MALT1: variants seen among roughly 807,000 people sequenced by gnomAD.
MALT1 encodes the protein MALT1 paracaspase.
In MALT1, 36 loss-of-function variants were observed where a neutral mutation model predicts 85.5. That is an observed-to-expected ratio of 0.42 (90% CI 0.32 to 0.56). The LOEUF (loss-of-function observed/expected upper bound fraction) is 0.56. MALT1 is among the 20% of genes least tolerant of loss of function. The probability of loss-of-function intolerance (pLI) is 0.10; values close to 1 mark genes in which losing one functional copy is unlikely to be tolerated. For missense variants in MALT1, 716 were observed against 981.6 expected (o/e 0.73, Z 3.62); for synonymous variants, 359 against 361.3 (o/e 0.99, Z 0.07).
chr18:58,679,628 A>G (rs763244822), intron 1 of MALT1, among the ~76,000 whole-genome samples: 1 of 152,250 alleles, frequency 6.6e-6, no homozygotes, highest in South Asian at 2.1e-4. Context: ...ATCTCAGCTC[A>G]CTGCAATCTC....
chr18:58,746,511 GTATCAGCTAAA>G (rs2055369192), intron 16 of MALT1, among the ~76,000 whole-genome samples: 1 of 152,108 alleles, frequency 6.6e-6, no homozygotes, highest in African/African-American at 2.4e-5. Flanking sequence ...ACCATAGAAT[GTATCAGCTAAA>G]ACTCAGGGAA....
chr18:58,745,541 A>G (rs1307356161), intron 15 of MALT1, 125 bp from the exon 16 acceptor site: 1 of 747,862 alleles, frequency 1.3e-6, no homozygotes, highest in Non-Finnish European at 2.1e-6. Flanking sequence ...TTTTGGGATT[A>G]CCAAAATTCA....
At chr18:58,711,141 A>G (rs531613529) in intron 7 of MALT1, among the ~76,000 whole-genome samples, 188 bp downstream of exon 7, 1 of 152,370 alleles carries the variant, frequency 6.6e-6, no homozygotes, top group African/African-American at 2.4e-5. Flanking sequence ...TTAAATTGAC[A>G]CAGTATTACA....
chr18:58,719,234 A>G (rs1207849000), intron 9 of MALT1, among the ~76,000 whole-genome samples: 1 of 152,150 alleles, frequency 6.6e-6, no homozygotes, highest in Non-Finnish European at 1.5e-5. Context: ...TGGGACTGCC[A>G]CATTCAAGAT....
At chr18:58,739,355 G>C (rs946422969) in intron 13 of MALT1, among the ~76,000 whole-genome samples, 1 of 152,134 alleles carries the variant, frequency 6.6e-6, no homozygotes, top group African/African-American at 2.4e-5. Flanking sequence ...ATCAGTATCA[G>C]TGGCATACAG....
At position 58,744,328 on chromosome 18, in the gene MALT1, T is replaced by G; in HGVS notation, c.1754-10T>G. ...AACCTACCAAAGTTGTTCTTATTGT[T>G]CTTTTTCAGAACTTCCAGAAAGTAT... On this transcript the variant is annotated splice_polypyrimidine_tract_variant and intron_variant, in intron 14 of 16. Coordinates refer to ENST00000649217, the MANE Select transcript of MALT1 (RefSeq NM_006785.4). 6.3e-7 allele frequency: 1 copy of G among 1,585,164 alleles called. No homozygotes were observed. Among genetic ancestry groups the G allele is most frequent in the Non-Finnish European group, 8.6e-7 (1 of 1,165,486 alleles).
rs1491335206 is a variant in MALT1 at position 58,748,392 on chromosome 18, A to AT, written c.*550_*551insT. On this transcript the variant is annotated 3_prime_UTR_variant, in exon 17 of 17. Transcript: ENST00000649217. ...GAGTGAAATATATTTATATATATAT[A>AT]AATATATACAGATACATATCTGTGT... is the stretch of plus-strand genomic sequence containing the variant. 4.9e-3 allele frequency: 870 copies of AT among 176,940 alleles called. 5 individuals carry two copies. Among genetic ancestry groups the AT allele is most frequent in the African/African-American group, 0.017 (722 of 42,452 alleles). 11.0% of individuals were successfully genotyped at this position (176,940 alleles called of 1,614,324 possible).
At position 58,745,792 on chromosome 18, in the gene MALT1, G is replaced by GT; in HGVS notation, c.2037+3dup. ...ACTCAGTTCACTGCAAAAATTAAAG[G>GT]TTACTACCTTTTCTGTTTATAGCTA... On this transcript the variant is annotated splice_donor_variant, in intron 16 of 16. Transcript: ENST00000649217. LOFTEE classifies it high-confidence loss of function. 1 of 1,607,666 alleles carries GT rather than the reference G, an allele frequency of 6.2e-7. No homozygotes were observed. Among genetic ancestry groups the GT allele is most frequent in the African/African-American group, 1.3e-5 (1 of 74,570 alleles).
At chr18:58,742,389 T>C (rs1250265319) in intron 14 of MALT1, among the ~76,000 whole-genome samples, 4 of 152,144 alleles carry the variant, frequency 2.6e-5, no homozygotes, top group South Asian at 4.1e-4. Context: ...GAACATGTTA[T>C]CTATAACATG....
intron 9 of MALT1, among the ~76,000 whole-genome samples, chr18:58,716,872 A>G (rs985285066): frequency 6.6e-6 from 1 of 152,202 alleles, no homozygotes; most frequent in Non-Finnish European, 1.5e-5. Flanking sequence ...TTATAGAGCA[A>G]GTTCCTAGAA....
chr18:58,690,799 T>C, intron 2 of MALT1: 1 of 219,976 alleles, frequency 4.5e-6, no homozygotes. Context: ...TAAAATGCCT[T>C]CCTGAGAAAG....
At chr18:58,736,987 C>G (rs2144470948) in intron 13 of MALT1, among the ~76,000 whole-genome samples, 1 of 152,332 alleles carries the variant, frequency 6.6e-6, no homozygotes, top group South Asian at 2.1e-4. Context: ...CACAAGTCAT[C>G]CAATTTTGAA....
chr18:58,691,415 C>T (rs929005702), intron 2 of MALT1: 6 of 502,236 alleles, frequency 1.2e-5, no homozygotes, highest in East Asian at 5.2e-5. Context: ...CGGAGCAGCC[C>T]GTGGTTGTGC....
At chr18:58,707,447 C>CT (rs1057117187) in intron 4 of MALT1, among the ~76,000 whole-genome samples, 3 of 149,824 alleles carry the variant, frequency 2.0e-5, no homozygotes, top group Admixed American at 6.7e-5. Flanking sequence ...TAATTATACT[C>CT]TAAGTTTTGG....
At chr18:58,684,439 C>CTTTTTT (rs548214354) in intron 2 of MALT1, among the ~76,000 whole-genome samples, 4 of 73,542 alleles carry the variant, frequency 5.4e-5, no homozygotes, top group Non-Finnish European at 8.1e-5. Context: ...AAGATTTACT[C>CTTTTTT]TTTTTTTTTT....
chr18:58,705,685 T>C (rs1332441392), intron 4 of MALT1, among the ~76,000 whole-genome samples: 1 of 151,508 alleles, frequency 6.6e-6, no homozygotes, highest in Non-Finnish European at 1.5e-5. Context: ...TAGTATTCCA[T>C]GGTGTATATG....
intron 14 of MALT1, among the ~76,000 whole-genome samples, chr18:58,743,368 C>A (rs1404952664): frequency 2.6e-5 from 4 of 152,076 alleles, no homozygotes; most frequent in Non-Finnish European, 5.9e-5. Flanking sequence ...AAGAGCAAAA[C>A]TCAGTCTCAA....
chr18:58,732,255 G>GT (rs2055160806), intron 10 of MALT1, among the ~76,000 whole-genome samples: 1 of 152,088 alleles, frequency 6.6e-6, no homozygotes, highest in Non-Finnish European at 1.5e-5. Flanking sequence ...CTTCAAAAGT[G>GT]TTTTGTCCAG....
rs879571590 is a variant in MALT1, at chr18:58,748,400, A to G, written c.*558A>G. On this transcript the variant is annotated 3_prime_UTR_variant, in exon 17 of 17. Coordinates refer to ENST00000649217, the MANE Select transcript of MALT1 (RefSeq NM_006785.4). Reference sequence around the variant, plus strand: ...TATATTTATATATATATAAATATATACAGATACATATCTGTGTATTATCTC... The same window carrying G: ...TATATTTATATATATATAAATATATGCAGATACATATCTGTGTATTATCTC... The G allele has an allele frequency of 5.6e-6, 1 of 178,868 alleles. No individual in the cohort carries two copies. The highest frequency in any genetic ancestry group is 1.2e-5 in the Non-Finnish European group (1 of 83,354). The allele number at this position is 178,868 out of a possible 1,614,324, so 11.1% of individuals were successfully genotyped here.
Sources: allele counts gnomAD v4.1 joint callset (sites outside exome capture counted in the v4.1 genomes callset), GRCh38; gene constraint gnomAD v4.1.1; transcripts MANE v1.5; gene names NCBI Gene and HGNC (gene_info 2026-07-23, HGNC 2026-07-21).